SPOCK1: variants seen among roughly 807,000 people sequenced by gnomAD.
The protein encoded by SPOCK1 is testican-1.
A neutral mutation model predicts 55.3 loss-of-function variants in SPOCK1; 23 were observed. The observed-to-expected ratio is 0.42, with a 90% CI of 0.30 to 0.59. The LOEUF (loss-of-function observed/expected upper bound fraction) is 0.59, where lower values mean the gene tolerates loss of function less well. Among genes scored for constraint, SPOCK1 ranks in the 20% least tolerant of loss-of-function variants. The pLI, the probability that SPOCK1 is intolerant of heterozygous loss-of-function variation, is 0.22. For synonymous variants in SPOCK1, 226 were observed against 221.0 expected, an observed-to-expected ratio of 1.02 and a Z score of -0.20; for missense variants, 499 against 552.5, an observed-to-expected ratio of 0.90 and a Z score of 0.97.
At chr5:137,053,245 G>A (rs985182745) in intron 6 of SPOCK1, among the ~76,000 whole-genome samples, 6 of 152,084 alleles carry the variant, frequency 3.9e-5, no homozygotes, top group African/African-American at 9.7e-5. Context: ...TGCACAGGGC[G>A]CCAGAGGGCA....
At chr5:137,339,888 G>A (rs1011499619) in intron 2 of SPOCK1, among the ~76,000 whole-genome samples, 3 of 152,090 alleles carry the variant, frequency 2.0e-5, no homozygotes, top group South Asian at 2.1e-4. Context: ...GCTAACCTGG[G>A]GACAGCACCC....
intron 3 of SPOCK1, among the ~76,000 whole-genome samples, chr5:137,265,160 T>C (rs4147398): frequency 0.047 from 7,112 of 152,284 alleles, 266 homozygotes; most frequent in East Asian, 0.13. Flanking sequence ...CCAAAATTTC[T>C]GTGTTAACTC....
At chr5:137,305,637 C>T (rs58244330) in intron 2 of SPOCK1, among the ~76,000 whole-genome samples, 23,248 of 152,228 alleles carry the variant, frequency 0.15, 2,113 homozygotes, top group East Asian at 0.27. Context: ...CACAGCTTAA[C>T]GGCCATTTAA....
At chr5:137,273,249 G>A in intron 2 of SPOCK1, 1 of 355,052 alleles carries the variant, frequency 2.8e-6, no homozygotes, top group Non-Finnish European at 3.9e-6. Context: ...AAATGTGTGT[G>A]GTACTGGTTC....
intron 6 of SPOCK1, among the ~76,000 whole-genome samples, chr5:137,034,382 T>A (rs765249783): frequency 4.6e-5 from 7 of 152,144 alleles, no homozygotes; most frequent in Non-Finnish European, 7.4e-5. Flanking sequence ...CAGCTCCTCA[T>A]AATACCCCTA....
intron 3 of SPOCK1, among the ~76,000 whole-genome samples, chr5:137,163,694 G>T (rs1214895605): frequency 6.6e-6 from 1 of 152,102 alleles, no homozygotes; most frequent in Non-Finnish European, 1.5e-5. Context: ...TCACCCTCAG[G>T]TCTGTCAGCC....
In SPOCK1 at chr5:137,097,718, C is replaced by G. The variant is rs17170958; in HGVS notation, c.474+14717G>C. Among the ~76,000 whole-genome samples the G allele has an allele frequency of 6.4e-3, 972 of 152,318 alleles. 14 individuals are homozygous for G. The highest frequency in any genetic ancestry group is 0.022 in the African/African-American group (900 of 41,562). On this transcript the variant is annotated intron_variant, in intron 5 of 10. Coordinates refer to ENST00000394945, the MANE Select transcript of SPOCK1 (RefSeq NM_004598.4). ...TTCACTAACAAAAACTAACCCGAAC[C>G]TGCTGTGGCCTAATGCTCACTACAT...
intron 3 of SPOCK1, among the ~76,000 whole-genome samples, chr5:137,198,279 T>C (rs918264324): frequency 3.3e-5 from 5 of 152,242 alleles, no homozygotes; most frequent in African/African-American, 1.2e-4. Flanking sequence ...TCTGCATATG[T>C]CCTTGTCCTA....
At chr5:137,194,879 A>C (rs546506400) in intron 3 of SPOCK1, among the ~76,000 whole-genome samples, 21 of 152,334 alleles carry the variant, frequency 1.4e-4, no homozygotes, top group Admixed American at 4.6e-4. Flanking sequence ...CTTCAGATAA[A>C]GGATGCCATC....
chr5:137,129,171 T>C (rs1300129838), intron 4 of SPOCK1, among the ~76,000 whole-genome samples: 1 of 152,184 alleles, frequency 6.6e-6, no homozygotes, highest in Non-Finnish European at 1.5e-5. Context: ...GCCTCATGTA[T>C]CCATACTCCT....
At chr5:137,072,351 A>T (rs1399744644) in intron 5 of SPOCK1, among the ~76,000 whole-genome samples, 1 of 152,198 alleles carries the variant, frequency 6.6e-6, no homozygotes, top group Non-Finnish European at 1.5e-5. Flanking sequence ...CTCATACACA[A>T]CATATTATTA....
intron 6 of SPOCK1, among the ~76,000 whole-genome samples, chr5:137,055,535 C>G (rs1752286646): frequency 6.6e-6 from 1 of 152,138 alleles, no homozygotes; most frequent in African/African-American, 2.4e-5. Context: ...GATATTAAGC[C>G]AACTATTTCA....
intron 2 of SPOCK1, among the ~76,000 whole-genome samples, chr5:137,422,870 A>G (rs1447331879): frequency 6.6e-6 from 1 of 152,204 alleles, no homozygotes; most frequent in Non-Finnish European, 1.5e-5. Context: ...TCTGATTTTC[A>G]GAGTTTCCAG....
At chr5:137,398,148 T>C (rs371449805) in intron 2 of SPOCK1, among the ~76,000 whole-genome samples, 2 of 151,932 alleles carry the variant, frequency 1.3e-5, no homozygotes, top group Admixed American at 6.6e-5. Context: ...AACACTTCCA[T>C]GAGGCCTGCC....
intron 2 of SPOCK1, among the ~76,000 whole-genome samples, chr5:137,378,486 C>T (rs1338816408): frequency 6.6e-6 from 1 of 152,230 alleles, no homozygotes; most frequent in Non-Finnish European, 1.5e-5. Flanking sequence ...ATGGCGGTAA[C>T]TTGTCTCACA....
intron 6 of SPOCK1, among the ~76,000 whole-genome samples, chr5:137,063,738 G>A (rs1043643932): frequency 6.6e-6 from 1 of 152,224 alleles, no homozygotes; most frequent in African/African-American, 2.4e-5. Context: ...TGAGACAGGT[G>A]GGGAGCCCTG....
intron 2 of SPOCK1, among the ~76,000 whole-genome samples, chr5:137,469,100 G>A (rs1161763555): frequency 6.6e-6 from 1 of 152,174 alleles, no homozygotes; most frequent in African/African-American, 2.4e-5. Context: ...TGAAAGAACT[G>A]GATTCCAGCA....
At chr5:137,039,270 C>CTTTT (rs11479277) in intron 6 of SPOCK1, among the ~76,000 whole-genome samples, 2,064 of 88,776 alleles carry the variant, frequency 0.023, 355 homozygotes, top group African/African-American at 0.027. Flanking sequence ...GCCTGCCACA[C>CTTTT]TTTTTTTTTT....
At chr5:137,120,349 C>A (rs1003334500) in intron 4 of SPOCK1, among the ~76,000 whole-genome samples, 2 of 152,188 alleles carry the variant, frequency 1.3e-5, no homozygotes, top group Non-Finnish European at 2.9e-5. Flanking sequence ...AGAGCATAAT[C>A]AGGCCCACCA....
Sources: gnomAD v4.1 joint callset for allele counts (sites outside exome capture counted in the v4.1 genomes callset) on GRCh38, gnomAD v4.1.1 for gene constraint, MANE v1.5 for transcripts, NCBI Gene and HGNC (gene_info 2026-07-23, HGNC 2026-07-21) for gene names.